The following MMP26 variants were observed in gnomAD, a reference collection of about 807,000 sequenced individuals.
The protein encoded by MMP26 is matrix metalloproteinase-26.
A neutral mutation model predicts 31.0 loss-of-function variants in MMP26; 33 were observed. The ratio of observed to expected loss-of-function variants is 1.06; its 90% confidence interval spans 0.81 to 1.42. The LOEUF (loss-of-function observed/expected upper bound fraction) is 1.42, where lower values mean the gene tolerates loss of function less well. MMP26 is among the 40% of genes most tolerant of loss of function. The pLI is 0.00. For missense variants in MMP26, 347 were observed against 316.1 expected (o/e 1.10, Z -0.74); for synonymous variants, 122 against 114.9 (o/e 1.06, Z -0.40).
intron 1 of MMP26, chr11:4,719,168 T>A (rs1186159259): frequency 6.4e-6 from 1 of 155,232 alleles, no homozygotes; most frequent in African/African-American, 2.4e-5. Flanking sequence ...TACCCTGATG[T>A]GATGAAGCTC....
intron 2 of MMP26, among the ~76,000 whole-genome samples, chr11:4,978,171 C>G (rs1394992696): frequency 6.6e-6 from 1 of 152,072 alleles, no homozygotes; most frequent in Admixed American, 6.6e-5. Context: ...CAAGGCCTCC[C>G]CAGCCATGCA....
In MMP26 at chr11:4,761,008, GA is replaced by G. The variant is rs568879061; in HGVS notation, c.-216-6260del. On this transcript the variant is annotated intron_variant, in intron 1 of 7. Coordinates refer to ENST00000380390, the MANE Select transcript of MMP26 (RefSeq NM_021801.5). The stretch of plus-strand genomic sequence containing the variant: ...CATCTATATGGAATTCAGGATTTCT[GA>G]ACAGGCAACAGGACCATAGAAGTGA... 2.0e-3 allele frequency among the ~76,000 whole-genome samples: 312 copies of G among 152,280 alleles called. 1 individual carries two copies. Among genetic ancestry groups the G allele is most frequent in the African/African-American group, 7.2e-3 (301 of 41,554 alleles).
chr11:4,863,312 T>C (rs1850189973), intron 2 of MMP26, among the ~76,000 whole-genome samples: 1 of 152,010 alleles, frequency 6.6e-6, no homozygotes. Flanking sequence ...CCTTTCTCTA[T>C]CTCCCAATGA....
intron 2 of MMP26, among the ~76,000 whole-genome samples, chr11:4,891,847 A>G (rs1255892374): frequency 1.3e-5 from 2 of 152,148 alleles, no homozygotes; most frequent in Non-Finnish European, 2.9e-5. Flanking sequence ...GAGACATAGT[A>G]TGTCACAGAT....
chr11:4,791,612 C>A (rs181222918), intron 2 of MMP26, among the ~76,000 whole-genome samples: 9 of 152,288 alleles, frequency 5.9e-5, no homozygotes, highest in Admixed American at 5.2e-4. Flanking sequence ...CCAGCTTTTG[C>A]TCTTACTGTT....
At chr11:4,952,216 A>G (rs1257708734) in intron 2 of MMP26, among the ~76,000 whole-genome samples, 1 of 124,856 alleles carries the variant, frequency 8.0e-6, no homozygotes, top group African/African-American at 2.7e-5. Flanking sequence ...AAGACTGCCC[A>G]AAACCCCAAA....
chr11:4,985,379 A>T (rs1345121943), intron 2 of MMP26, among the ~76,000 whole-genome samples: 1 of 152,192 alleles, frequency 6.6e-6, no homozygotes, highest in Non-Finnish European at 1.5e-5. Context: ...TTGTCTAACA[A>T]CAAACATCAT....
At chr11:4,761,843 T>C (rs1176797572) in intron 1 of MMP26, among the ~76,000 whole-genome samples, 1 of 152,198 alleles carries the variant, frequency 6.6e-6, no homozygotes, top group Non-Finnish European at 1.5e-5. Context: ...ATTTTAAATA[T>C]CTGTTAGAAT....
intron 2 of MMP26, among the ~76,000 whole-genome samples, chr11:4,925,377 G>A (rs1851255813): frequency 6.6e-6 from 1 of 152,134 alleles, no homozygotes; most frequent in African/African-American, 2.4e-5. Flanking sequence ...TCTTGGAAAA[G>A]TCTATGAATA....
In MMP26 at chr11:4,805,147, T is replaced by C. The variant is rs73403020; in HGVS notation, c.-145+37806T>C. Among the ~76,000 whole-genome samples the C allele has an allele frequency of 4.5e-3, 678 of 152,262 alleles. 3 individuals carry two copies. The highest frequency in any genetic ancestry group is 0.015 in the African/African-American group (609 of 41,546). ...AACCTCTGGTTAGCCACTTGGCCAA[T>C]TTCTCAGAGTAGGAAGTCAGTAGAG... On this transcript the variant is annotated intron_variant, in intron 2 of 7. Transcript: ENST00000380390.
chr11:4,929,819 T>C (rs749466191), intron 2 of MMP26, among the ~76,000 whole-genome samples: 9 of 152,174 alleles, frequency 5.9e-5, no homozygotes, highest in Non-Finnish European at 8.8e-5. Context: ...TGTCAAGTTT[T>C]ATTCTGTAAA....
At chr11:4,717,669 GT>G (rs5789338) in intron 1 of MMP26, among the ~76,000 whole-genome samples, 69,726 of 151,864 alleles carry the variant, frequency 0.46, 18,071 homozygotes, top group Non-Finnish European at 0.56. Context: ...CATTTGGTAA[GT>G]TTTTTACCAC....
At chr11:4,979,081 C>T (rs562968024) in intron 2 of MMP26, among the ~76,000 whole-genome samples, 1 of 152,162 alleles carries the variant, frequency 6.6e-6, no homozygotes, top group African/African-American at 2.4e-5. Flanking sequence ...AACCTTCAGA[C>T]ATGAAACAAA....
At chr11:4,716,650 CTTTTTTTT>C (rs71050424) in intron 1 of MMP26, among the ~76,000 whole-genome samples, 10 of 65,002 alleles carry the variant, frequency 1.5e-4, no homozygotes, top group Non-Finnish European at 2.1e-4. Flanking sequence ...TCTCTTACCT[CTTTTTTTT>C]TTTTTTTTTT....
At chr11:4,830,580 A>G (rs534316874) in intron 2 of MMP26, among the ~76,000 whole-genome samples, 1 of 152,298 alleles carries the variant, frequency 6.6e-6, no homozygotes, top group South Asian at 2.1e-4. Flanking sequence ...GGAATGGCTC[A>G]TTTCGAGGGG....
intron 2 of MMP26, chr11:4,944,005 A>G (rs1846256622): frequency 2.4e-6 from 1 of 421,064 alleles, no homozygotes. Flanking sequence ...TGGGCTGCCT[A>G]TCCGCACACT....
intron 2 of MMP26, among the ~76,000 whole-genome samples, chr11:4,870,465 A>T (rs1462969358): frequency 6.6e-6 from 1 of 152,092 alleles, no homozygotes; most frequent in Admixed American, 6.6e-5. Context: ...TGATTTAGAC[A>T]ATATTAATGT....
intron 1 of MMP26, among the ~76,000 whole-genome samples, chr11:4,715,153 C>T (rs762252254): frequency 6.6e-6 from 1 of 152,004 alleles, no homozygotes. Context: ...TATGCCCATA[C>T]TTCTCAAAAT....
At chr11:4,904,342 T>C (rs1468757979) in intron 2 of MMP26, among the ~76,000 whole-genome samples, 1 of 152,118 alleles carries the variant, frequency 6.6e-6, no homozygotes, top group Non-Finnish European at 1.5e-5. Context: ...AACTGATTTT[T>C]GCCTTAAAGA....
Sources: gnomAD v4.1 joint callset for allele counts (sites outside exome capture counted in the v4.1 genomes callset) on GRCh38, gnomAD v4.1.1 for gene constraint, MANE v1.5 for transcripts, NCBI Gene and HGNC (gene_info 2026-07-23, HGNC 2026-07-21) for gene names.